Variants in CHD8 observed in about 807,000 individuals in gnomAD.
CHD8 encodes chromodomain helicase DNA binding protein 8.
Under a neutral mutation model 279.2 loss-of-function variants are expected in CHD8, and 31 were observed. The ratio of observed to expected loss-of-function variants is 0.11; its 90% CI spans 0.08 to 0.15. The LOEUF (loss-of-function observed/expected upper bound fraction) is 0.15. Ranked by LOEUF, CHD8 falls within the 10% of genes least tolerant of loss-of-function variation. The pLI is 1.00. For synonymous variants in CHD8, 1,081 were observed against 1,139.6 expected (o/e 0.95, Z 1.04); for missense variants, 2,146 against 3,230.5 (o/e 0.66, Z 8.14).
chr14:21,426,438 C>G (rs1008620697), intron 4 of CHD8, 196 bp from the exon 5 acceptor site: 6 of 520,802 alleles, frequency 1.2e-5, no homozygotes, highest in Non-Finnish European at 2.0e-5. Flanking sequence ...ACTGACTGAC[C>G]CTTATACCAT....
intron 37 of CHD8, among the ~76,000 whole-genome samples, chr14:21,387,414 C>A (rs2139432063): frequency 6.6e-6 from 1 of 152,154 alleles, no homozygotes; most frequent in East Asian, 1.9e-4. Context: ...AGGCGGATCA[C>A]CTGAGGTTGG....
At chr14:21,392,943 A>AC in intron 33 of CHD8, 134 bp from the exon 34 acceptor site, 1 of 1,198,650 alleles carries the variant, frequency 8.3e-7, no homozygotes. Context: ...TAATACTATT[A>AC]AGATTCCTAA....
At chr14:21,412,491 A>C (rs1446666903) in intron 10 of CHD8, among the ~76,000 whole-genome samples, 1 of 152,164 alleles carries the variant, frequency 6.6e-6, no homozygotes, top group Non-Finnish European at 1.5e-5. Flanking sequence ...ACTAATGGTG[A>C]GTTCAGGAAG....
At chr14:21,409,520 A>G (rs1383820142) in intron 11 of CHD8, among the ~76,000 whole-genome samples, 3 of 152,352 alleles carry the variant, frequency 2.0e-5, no homozygotes, top group Non-Finnish European at 4.4e-5. Flanking sequence ...ACTTGATGAT[A>G]TTAAAGAATG....
chr14:21,388,126 A>G (rs1043022756), intron 37 of CHD8, among the ~76,000 whole-genome samples: 1 of 152,248 alleles, frequency 6.6e-6, no homozygotes. Flanking sequence ...TAATATAAAA[A>G]TAAGCCTCAT....
chr14:21,431,757 G>A lies in CHD8; in HGVS notation c.-114C>T. 6.2e-7 allele frequency: 1 copy of A among 1,612,376 alleles called. No individual in the cohort carries two copies. The highest frequency in any genetic ancestry group is 1.1e-5 in the South Asian group (1 of 91,030). The stretch of plus-strand genomic sequence containing the variant: ...GAAAAAAATGTACACAATGTAAGAG[G>A]ACTACTCTTCAAGTATAGAGGCAAG... On this transcript the variant is annotated 5_prime_UTR_variant, in exon 2 of 38. Transcript: ENST00000646647.
chr14:21,418,045 T>C (rs1029130448), intron 5 of CHD8, among the ~76,000 whole-genome samples: 2 of 151,662 alleles, frequency 1.3e-5, no homozygotes, highest in Non-Finnish European at 2.9e-5. Flanking sequence ...CAAAGTCACG[T>C]TTGTATATTC....
At chr14:21,420,198 G>A (rs1162941168) in intron 5 of CHD8, among the ~76,000 whole-genome samples, 1 of 152,190 alleles carries the variant, frequency 6.6e-6, no homozygotes, top group East Asian at 1.9e-4. Context: ...GCCCCAAAGG[G>A]TGTGACCCCT....
At chr14:21,386,612 G>C (rs544314392) in intron 37 of CHD8, among the ~76,000 whole-genome samples, 2 of 151,966 alleles carry the variant, frequency 1.3e-5, no homozygotes, top group East Asian at 1.9e-4. Context: ...CCGAGGCGGG[G>C]GAATCACAAG....
At chr14:21,449,509 C>T (rs1229686664) in intron 1 of CHD8, among the ~76,000 whole-genome samples, 1 of 152,050 alleles carries the variant, frequency 6.6e-6, no homozygotes, top group African/African-American at 2.4e-5. Flanking sequence ...GGAGGGATAC[C>T]GAAATAGATG....
In CHD8 at chr14:21,386,092, G is replaced by T; in HGVS notation, c.7267C>A (p.Arg2423=). The T allele has an allele frequency of 3.8e-6, 6 of 1,564,914 alleles. No individual in the cohort carries two copies. The change falls in exon 38 of 38, where the codon CGA becomes AGA. Residue 2423 remains arginine, a synonymous_variant. Coordinates refer to ENST00000646647, the MANE Select transcript of CHD8 (RefSeq NM_001170629.2). The part of the protein sequence containing the change: ...ESSKKRARRM[R]PDLSKMMALM... ...GCCATCATCTTAGAAAGGTCTGGTC[G>T]CATCCTACGGGCCCGCTTCTTGCTG...
chr14:21,398,076 T>G, intron 26 of CHD8, 124 bp from the exon 27 acceptor site: 1 of 909,620 alleles, frequency 1.1e-6, no homozygotes, highest in East Asian at 2.7e-5. Flanking sequence ...AAAGTTAGAA[T>G]GTTATCTTGG....
intron 11 of CHD8, among the ~76,000 whole-genome samples, chr14:21,409,583 G>C (rs890478615): frequency 6.6e-6 from 1 of 152,068 alleles, no homozygotes; most frequent in Non-Finnish European, 1.5e-5. Flanking sequence ...CAAAAACACT[G>C]TAATATTTAC....
intron 28 of CHD8, 137 bp from the exon 29 acceptor site, chr14:21,395,489 C>A: frequency 1.6e-6 from 1 of 637,052 alleles, no homozygotes; most frequent in South Asian, 2.0e-5. Context: ...AATATATCCC[C>A]ACAAAAACTT....
At chr14:21,412,062 CA>C (rs907302071) in intron 10 of CHD8, among the ~76,000 whole-genome samples, 4 of 133,902 alleles carry the variant, frequency 3.0e-5, no homozygotes, top group Admixed American at 7.6e-5. Context: ...AAGATGGTCT[CA>C]AAAAAAAACC....
rs1889403415 is a variant in CHD8 at position 21,428,061 on chromosome 14, G to A, written c.1409C>T (p.Ala470Val). The part of the protein sequence containing the change: ...KANRIVAEAI[A>V]RARARGEQNI... ...CTGCTCACCGCGGGCACGGGCTCTC[G>A]CAATGGCCTCTGCTACAATCCGATT... The change falls in exon 4 of 38, where the codon GCG becomes GTG. Residue 470 changes from alanine (A) to valine (V), a missense_variant. Physicochemically the swap from Ala to Val is moderately conservative, Grantham distance 64. Transcript: ENST00000646647. 1 of 1,613,990 alleles carries A rather than the reference G, an allele frequency of 6.2e-7. No homozygotes were observed. Among genetic ancestry groups the A allele is most frequent in the Non-Finnish European group, 8.5e-7 (1 of 1,179,888 alleles).
In CHD8 at chr14:21,394,863, G is replaced by A; in HGVS notation, c.5390+49C>T. Reference sequence around the variant, plus strand: ...TTCCTGAGATGGCTTTCAGTATAGGGACCATAACTGAAAACACAGATCAGC... The same window carrying A: ...TTCCTGAGATGGCTTTCAGTATAGGAACCATAACTGAAAACACAGATCAGC... On this transcript the variant is annotated intron_variant, in intron 30 of 37. Coordinates refer to ENST00000646647, the MANE Select transcript of CHD8 (RefSeq NM_001170629.2). 4 of 1,558,966 alleles carry A rather than the reference G, an allele frequency of 2.6e-6. No individual in the cohort carries two copies. In the African/African-American group the frequency reaches 5.4e-5, roughly 21 times the overall value.
At chr14:21,432,987 G>A (rs766072161) in intron 1 of CHD8, among the ~76,000 whole-genome samples, 3 of 152,104 alleles carry the variant, frequency 2.0e-5, no homozygotes, top group Non-Finnish European at 4.4e-5. Flanking sequence ...AATTTGTTAT[G>A]AATGTATGCA....
Position 21,393,985 on chromosome 14 carries a change from G to A in CHD8, c.5810C>T (p.Ala1937Val). 1 of 1,613,926 alleles carries A rather than the reference G, an allele frequency of 6.2e-7. No individual in the cohort carries two copies. The highest frequency in any genetic ancestry group is 1.1e-5 in the South Asian group (1 of 91,084). ...TGTTTGGCTCACCCCATGGCGGGCT[G>A]CCCCTCTTAGAAGCTCCCCATCATG... The part of the protein sequence containing the change: ...VRHDGELLRG[A>V]ARHGVSQTDC... The change falls in exon 32 of 38, where the codon GCA becomes GTA. Residue 1937 changes from alanine to valine, a missense_variant. Ala to Val is a moderately conservative substitution (Grantham distance 64). Transcript: ENST00000646647.
Sources: gnomAD v4.1 joint callset for allele counts (sites outside exome capture counted in the v4.1 genomes callset) on GRCh38, gnomAD v4.1.1 for gene constraint, MANE v1.5 for transcripts, NCBI Gene and HGNC (gene_info 2026-07-23, HGNC 2026-07-21) for gene names.